PARP11: variants seen among roughly 807,000 people sequenced by gnomAD.
PARP11 encodes poly(ADP-ribose) polymerase family member 11.
A neutral mutation model predicts 42.9 loss-of-function variants in PARP11; 31 were observed. The ratio of observed to expected loss-of-function variants is 0.72; its 90% CI spans 0.54 to 0.98. PARP11 has a LOEUF of 0.98. PARP11 is among the 50% of genes least tolerant of loss of function. The pLI is 0.00. For synonymous variants in PARP11, 137 were observed against 127.3 expected, an observed-to-expected ratio of 1.08 and a Z score of -0.51; for missense variants, 365 against 413.1, an observed-to-expected ratio of 0.88 and a Z score of 1.01.
chr12:3,836,786 A>C (rs985875963), intron 1 of PARP11, among the ~76,000 whole-genome samples: 10 of 152,212 alleles, frequency 6.6e-5, no homozygotes, highest in African/African-American at 2.4e-4. Context: ...CAGAGGAATG[A>C]AAAAACTCTG....
At chr12:3,841,312 G>A in intron 1 of PARP11, 1 of 1,245,272 alleles carries the variant, frequency 8.0e-7, no homozygotes. Context: ...CAGTTGTCCT[G>A]TGTGGGCCCC....
Position 3,817,429 on chromosome 12 carries a change from A to G in PARP11, c.549-3241T>C, listed in dbSNP as rs192989661. On this transcript the variant is annotated intron_variant, in intron 6 of 7. Transcript: ENST00000228820. The stretch of plus-strand genomic sequence containing the variant: ...GGTTAAAGCTTTGTATCCCCACAGC[A>G]CAGTTTGTTCTAGTGCCCACTACTC... Among the ~76,000 whole-genome samples, 252 of 152,220 alleles carry G rather than the reference A, an allele frequency of 1.7e-3. 2 individuals are homozygous for G. Among genetic ancestry groups the G allele is most frequent in the Non-Finnish European group, 5.9e-5 (4 of 68,014 alleles).
rs933152209 is a variant in PARP11, at chr12:3,840,843, T to C, written c.19-10825A>G. ...AGTCAAAGAAGTTAGAGTGCCCTTC[T>C]CCTGCAGAACAAAAGCCAGCAGAAC... On this transcript the variant is annotated intron_variant, in intron 1 of 7. Transcript: ENST00000228820. This position sits in a 1 kb window ranked among gnomAD's most constrained non-coding sequence, Gnocchi z 4.4. 1 of 1,599,086 alleles carries C rather than the reference T, an allele frequency of 6.3e-7. No individual in the cohort carries two copies. Among genetic ancestry groups the C allele is most frequent in the African/African-American group, 1.3e-5 (1 of 74,760 alleles).
At chr12:3,850,323 C>A (rs1467284511) in intron 1 of PARP11, among the ~76,000 whole-genome samples, 1 of 152,002 alleles carries the variant, frequency 6.6e-6, no homozygotes, top group Admixed American at 6.6e-5. Context: ...CACCCCTAAT[C>A]CAAAAATCTG....
intron 1 of PARP11, chr12:3,841,299 A>G: frequency 7.9e-7 from 1 of 1,273,610 alleles, no homozygotes. Context: ...GTGTGAAGGC[A>G]TACAGTTGTC....
intron 1 of PARP11, among the ~76,000 whole-genome samples, chr12:3,856,152 A>G (rs532472130): frequency 1.4e-4 from 22 of 152,348 alleles, no homozygotes; most frequent in African/African-American, 5.1e-4. Flanking sequence ...TAAATGTTAG[A>G]CCTAAAACCA....
At chr12:3,814,737 T>C (rs1042911576) in intron 6 of PARP11, among the ~76,000 whole-genome samples, 6 of 152,080 alleles carry the variant, frequency 3.9e-5, no homozygotes, top group African/African-American at 7.2e-5. Context: ...GTAGGACTGA[T>C]TGTAACAGAA....
intron 1 of PARP11, among the ~76,000 whole-genome samples, chr12:3,854,305 T>C (rs1202081850): frequency 6.6e-6 from 1 of 152,020 alleles, no homozygotes; most frequent in African/African-American, 2.4e-5. Context: ...CCGAAGGAGA[T>C]AGAGGCACAA....
Position 3,852,032 on chromosome 12 carries a change from A to C in PARP11, c.18+21180T>G, listed in dbSNP as rs150083788. On this transcript the variant is annotated intron_variant, in intron 1 of 7. Coordinates refer to ENST00000228820, the MANE Select transcript of PARP11 (RefSeq NM_020367.6). ...CTCCAGCAAACTCCAACAGACGTGCAGCAGAGGAACCTGACTGTTAGAAGG... is the reference window on the plus strand; with the variant it reads ...CTCCAGCAAACTCCAACAGACGTGCCGCAGAGGAACCTGACTGTTAGAAGG... Among the ~76,000 whole-genome samples the C allele has an allele frequency of 1.5e-3, 224 of 152,364 alleles. 4 individuals carry two copies. The East Asian group carries it at 0.036, about 24-fold the overall frequency.
At chr12:3,872,116 C>T (rs1948494269) in intron 1 of PARP11, among the ~76,000 whole-genome samples, 1 of 152,264 alleles carries the variant, frequency 6.6e-6, no homozygotes, top group Non-Finnish European at 1.5e-5. Flanking sequence ...CCAGAAGGGA[C>T]CTTCCTCCTC....
rs1178440989 is a variant in PARP11 at position 3,840,536 on chromosome 12, G to C, written c.19-10518C>G. ...TCCAGTGAGCACAAAAATCTTAGCCGGACACCTTCACAGATCATAAGAAAA... is the reference window on the plus strand; with the variant it reads ...TCCAGTGAGCACAAAAATCTTAGCCCGACACCTTCACAGATCATAAGAAAA... On this transcript the variant is annotated intron_variant, in intron 1 of 7. Transcript: ENST00000228820. The surrounding 1 kb of genome is among the most constrained non-coding windows in gnomAD (Gnocchi z 4.4). 2.5e-6 allele frequency: 4 copies of C among 1,606,104 alleles called. No individual in the cohort carries two copies. Among genetic ancestry groups the C allele is most frequent in the Non-Finnish European group, 3.4e-6 (4 of 1,172,890 alleles).
chr12:3,851,205 G>A (rs1261925975), intron 1 of PARP11, among the ~76,000 whole-genome samples: 2 of 152,206 alleles, frequency 1.3e-5, no homozygotes, highest in African/African-American at 2.4e-5. Context: ...ACAGAAGACA[G>A]GTGATTTCTG....
intron 1 of PARP11, among the ~76,000 whole-genome samples, chr12:3,843,511 T>C (rs377080565): frequency 6.6e-6 from 1 of 152,240 alleles, no homozygotes; most frequent in Non-Finnish European, 1.5e-5. Context: ...CACTTTACAC[T>C]TGCATGTTCT....
chr12:3,871,404 A>G (rs530020924), intron 1 of PARP11, among the ~76,000 whole-genome samples: 2 of 152,360 alleles, frequency 1.3e-5, no homozygotes, highest in East Asian at 1.9e-4. Flanking sequence ...AGATACATAA[A>G]TACTTTCCAT....
At chr12:3,844,210 AAAG>A (rs1947953132) in intron 1 of PARP11, among the ~76,000 whole-genome samples, 2 of 152,324 alleles carry the variant, frequency 1.3e-5, no homozygotes, top group South Asian at 4.1e-4. Flanking sequence ...GAGCACTTTG[AAAG>A]ATAACATTTT....
At chr12:3,812,766 G>C (rs558752386) in intron 7 of PARP11, among the ~76,000 whole-genome samples, 2 of 152,152 alleles carry the variant, frequency 1.3e-5, no homozygotes, top group African/African-American at 4.8e-5. Context: ...AGATAAAACT[G>C]GTTTAATGAT....
At chr12:3,864,254 A>T (rs1948351938) in intron 1 of PARP11, among the ~76,000 whole-genome samples, 1 of 152,348 alleles carries the variant, frequency 6.6e-6, no homozygotes, top group Admixed American at 6.5e-5. Context: ...CTGTTCAAAT[A>T]TTAAACCTTG....
At chr12:3,866,420 A>T (rs2138130193) in intron 1 of PARP11, among the ~76,000 whole-genome samples, 1 of 152,258 alleles carries the variant, frequency 6.6e-6, no homozygotes, top group South Asian at 2.1e-4. Flanking sequence ...GTCCTCAGGG[A>T]TTATGAGATA....
chr12:3,856,891 A>G (rs931040285), intron 1 of PARP11, among the ~76,000 whole-genome samples: 26 of 152,324 alleles, frequency 1.7e-4, no homozygotes, highest in African/African-American at 6.0e-4. Context: ...ATGTCCATCA[A>G]TGATAGACTG....
Sources: allele counts gnomAD v4.1 joint callset (sites outside exome capture counted in the v4.1 genomes callset), GRCh38; gene constraint gnomAD v4.1.1; non-coding constraint Gnocchi (gnomAD v3.1); transcripts MANE v1.5; gene names NCBI Gene and HGNC (gene_info 2026-07-23, HGNC 2026-07-21).